The following NMNAT1 variants were observed in gnomAD, a reference collection of about 807,000 sequenced individuals.
NMNAT1 encodes the protein nicotinamide/nicotinic acid mononucleotide adenylyltransferase 1.
Under a neutral mutation model 16.7 loss-of-function variants are expected in NMNAT1, and 11 were observed. The ratio of observed to expected loss-of-function variants is 0.66; its 90% CI spans 0.41 to 1.09. The LOEUF (loss-of-function observed/expected upper bound fraction) is 1.09, where lower values mean the gene tolerates loss of function less well. Ranked by LOEUF, NMNAT1 falls within the 50% of genes least tolerant of loss-of-function variation. The probability of loss-of-function intolerance (pLI) is 0.00; values close to 1 mark genes in which losing one functional copy is unlikely to be tolerated. For synonymous variants in NMNAT1, 110 were observed against 119.8 expected (o/e 0.92, Z 0.53); for missense variants, 280 against 332.3 (o/e 0.84, Z 1.22).
chr1:9,987,913 A>G (rs746037894), downstream of NMNAT1, among the ~76,000 whole-genome samples: 1 of 152,216 alleles, frequency 6.6e-6, no homozygotes. Flanking sequence ...AGACAATAGT[A>G]TTCATAAAGT....
the NMNAT1 span, among the ~76,000 whole-genome samples, chr1:9,992,193 C>G: frequency 6.6e-6 from 1 of 151,684 alleles, no homozygotes; most frequent in Admixed American, 6.6e-5. Context: ...AGCGATCGTC[C>G]CACCTCAGTC....
At chr1:9,946,245 T>C (rs1640978201) in intron 1 of NMNAT1, among the ~76,000 whole-genome samples, 2 of 152,210 alleles carry the variant, frequency 1.3e-5, no homozygotes, top group African/African-American at 4.8e-5. Context: ...AATGAAAACA[T>C]TTCTAATGCA....
chr1:9,957,690 C>T (rs541701499), intron 1 of NMNAT1, among the ~76,000 whole-genome samples: 21 of 152,294 alleles, frequency 1.4e-4, no homozygotes, highest in Admixed American at 1.2e-3. Context: ...ACTTATTTTA[C>T]ACAGACTTTC....
At chr1:9,961,240 C>T (rs962602219) in intron 1 of NMNAT1, among the ~76,000 whole-genome samples, 3 of 152,276 alleles carry the variant, frequency 2.0e-5, no homozygotes, top group African/African-American at 7.2e-5. Flanking sequence ...GCTGTTTGTT[C>T]CATCCTTCCC....
At chr1:9,973,180 G>C (rs1277068359) in intron 2 of NMNAT1, among the ~76,000 whole-genome samples, 1 of 151,804 alleles carries the variant, frequency 6.6e-6, no homozygotes, top group Admixed American at 6.6e-5. Context: ...GCAGTGGCGC[G>C]ATCTCGGCTC....
intron 3 of NMNAT1, among the ~76,000 whole-genome samples, chr1:9,978,503 T>G (rs2101708062): frequency 6.6e-6 from 1 of 152,316 alleles, no homozygotes; most frequent in Admixed American, 6.5e-5. Context: ...GGGAAGTGTG[T>G]TGGGCAGGAT....
intron 1 of NMNAT1, among the ~76,000 whole-genome samples, chr1:9,968,294 G>C (rs1270750129): frequency 1.3e-5 from 2 of 151,164 alleles, no homozygotes; most frequent in South Asian, 2.1e-4. Context: ...GGGTGGTCTC[G>C]ATCTCCTGAC....
chr1:9,976,421 C>T (rs923966743), intron 3 of NMNAT1, among the ~76,000 whole-genome samples: 1 of 152,016 alleles, frequency 6.6e-6, no homozygotes, highest in African/African-American at 2.4e-5. Context: ...TTATTATCAT[C>T]AGTCTTCCTA....
chr1:9,966,250 G>C (rs947131845), intron 1 of NMNAT1, among the ~76,000 whole-genome samples: 1 of 152,074 alleles, frequency 6.6e-6, no homozygotes, highest in Non-Finnish European at 1.5e-5. Flanking sequence ...AGTGAGCTGA[G>C]ATCGTGCCAC....
At chr1:9,979,566 C>T (rs1228217537) in intron 3 of NMNAT1, among the ~76,000 whole-genome samples, 2 of 152,098 alleles carry the variant, frequency 1.3e-5, no homozygotes, top group African/African-American at 4.8e-5. Flanking sequence ...TTTGGGAGGC[C>T]TAGGCGGGCA....
At chr1:9,943,043 G>A (rs1359268601), upstream of NMNAT1, 2 of 287,344 alleles carry the variant, frequency 7.0e-6, no homozygotes, top group South Asian at 3.2e-5. Flanking sequence ...CGGAGAGCAC[G>A]CCTCTTCCTT....
the NMNAT1 span, among the ~76,000 whole-genome samples, chr1:9,993,375 A>T: frequency 6.6e-6 from 1 of 151,888 alleles, no homozygotes; most frequent in African/African-American, 2.4e-5. Flanking sequence ...GCTACTCGGG[A>T]GGCTGAGACA....
intron 1 of NMNAT1, chr1:9,967,389 C>G (rs1196852619): frequency 1.3e-5 from 2 of 154,030 alleles, no homozygotes; most frequent in Admixed American, 6.6e-5. Flanking sequence ...GGAGCATATT[C>G]TCAAGTAGTT....
intron 1 of NMNAT1, among the ~76,000 whole-genome samples, chr1:9,952,071 G>A (rs937957008): frequency 6.6e-6 from 1 of 152,054 alleles, no homozygotes; most frequent in African/African-American, 2.4e-5. Flanking sequence ...GGCCGAGGTG[G>A]GTGGATCACG....
intron 1 of NMNAT1, among the ~76,000 whole-genome samples, chr1:9,965,926 T>C (rs113357734): frequency 0.05 from 7,593 of 151,890 alleles, 243 homozygotes; most frequent in Middle Eastern, 0.13. Context: ...AGGCAGAGGC[T>C]GCAGTGACCT....
At chr1:9,968,817 T>C (rs1252497447) in intron 1 of NMNAT1, among the ~76,000 whole-genome samples, 2 of 143,762 alleles carry the variant, frequency 1.4e-5, no homozygotes, top group Non-Finnish European at 3.0e-5. Flanking sequence ...CACGTGCCTG[T>C]AATCCCAGCT....
intron 1 of NMNAT1, among the ~76,000 whole-genome samples, chr1:9,969,149 C>T (rs955045955): frequency 4.6e-5 from 7 of 151,982 alleles, no homozygotes; most frequent in South Asian, 2.1e-4. Context: ...AAAAGACCTG[C>T]GGTACTGACA....
chr1:9,990,920 G>A, the NMNAT1 span, among the ~76,000 whole-genome samples: 2 of 151,974 alleles, frequency 1.3e-5, no homozygotes, highest in African/African-American at 4.8e-5. Flanking sequence ...TGTCTAGGAA[G>A]ATATTAGAAT....
intron 1 of NMNAT1, among the ~76,000 whole-genome samples, chr1:9,961,674 C>T (rs535106182): frequency 6.6e-6 from 1 of 152,166 alleles, no homozygotes; most frequent in East Asian, 1.9e-4. Context: ...TTTCTAATGC[C>T]CTAGTGACTA....
Sources: gnomAD v4.1 joint callset for allele counts (sites outside exome capture counted in the v4.1 genomes callset) on GRCh38, gnomAD v4.1.1 for gene constraint, MANE v1.5 for transcripts, NCBI Gene and HGNC (gene_info 2026-07-23, HGNC 2026-07-21) for gene names.